Variants in EYS observed in about 807,000 individuals in gnomAD.
The protein encoded by EYS is protein eyes shut homolog.
A neutral mutation model predicts 282.1 loss-of-function variants in EYS; 250 were observed. That is an observed-to-expected ratio of 0.89 (90% CI 0.80 to 0.98). EYS has a LOEUF of 0.98. EYS is among the 50% of genes least tolerant of loss of function. The pLI is 0.00. For missense variants in EYS, 4,016 were observed against 3,709.0 expected (o/e 1.08, Z -2.15); for synonymous variants, 1,355 against 1,282.9 (o/e 1.06, Z -1.20).
In EYS at chr6:65,490,656, T is replaced by C. The variant is rs763461984; in HGVS notation, c.800A>G (p.His267Arg). 1.9e-6 allele frequency: 3 copies of C among 1,613,034 alleles called. 1 individual carries two copies. The highest frequency in any genetic ancestry group is 3.3e-5 in the Admixed American group (2 of 59,998). ...IGQCQPHVCF[H>R]GNCSNITSNS... Reference sequence around the variant, plus strand: ...TGAAGTAATATTGCTGCAGTTTCCATGGAAACAGACATGTGGTTGACACTG... The same window carrying C: ...TGAAGTAATATTGCTGCAGTTTCCACGGAAACAGACATGTGGTTGACACTG... The change falls in exon 5 of 43, where the codon CAT (histidine) becomes CGT (arginine). Residue 267 changes from histidine to arginine, a missense_variant. By Grantham distance (29) the His-to-Arg change is conservative. Transcript: ENST00000503581.
chr6:65,541,194 C>G (rs534779690), intron 2 of EYS, among the ~76,000 whole-genome samples: 1 of 152,060 alleles, frequency 6.6e-6, no homozygotes, highest in African/African-American at 2.4e-5. Flanking sequence ...CACAAATGTA[C>G]ATTAAATAGT....
chr6:65,520,331 T>TA (rs1767319790), intron 2 of EYS, among the ~76,000 whole-genome samples: 1 of 152,134 alleles, frequency 6.6e-6, no homozygotes, highest in African/African-American at 2.4e-5. Flanking sequence ...TCTAGACATT[T>TA]AGAAATGTGT....
intron 1 of EYS, among the ~76,000 whole-genome samples, chr6:65,699,612 G>A (rs1769584634): frequency 6.6e-6 from 1 of 152,102 alleles, no homozygotes; most frequent in South Asian, 2.1e-4. Context: ...CCTAAGGCAA[G>A]GAGATTTTTA....
intron 22 of EYS, among the ~76,000 whole-genome samples, chr6:64,772,425 C>T (rs148204829): frequency 2.8e-4 from 43 of 151,834 alleles, no homozygotes; most frequent in African/African-American, 9.6e-4. Flanking sequence ...TATTTTAATA[C>T]AGGCATACAA....
chr6:63,762,667 A>T (rs1402946198), intron 40 of EYS, 34 bp from the exon 41 acceptor site: 15 of 1,542,224 alleles, frequency 9.7e-6, no homozygotes, highest in Middle Eastern at 1.7e-4. Context: ...TGGTTTGAGC[A>T]CTTGTTTAGA....
intron 2 of EYS, among the ~76,000 whole-genome samples, chr6:65,634,014 G>T (rs1156314842): frequency 6.6e-6 from 1 of 152,196 alleles, no homozygotes; most frequent in East Asian, 1.9e-4. Flanking sequence ...TATTCTTTCA[G>T]AAACTACAGA....
rs141220835 is a variant in EYS, at chr6:65,448,142, C to T, written c.862+42452G>A. On this transcript the variant is annotated intron_variant, in intron 5 of 42. Coordinates refer to ENST00000503581, the MANE Select transcript of EYS (RefSeq NM_001142800.2). ...CCCTATCCACTAAATTCCAAGTACT[C>T]CCTAGTATTTGCAAAAAGCTGATAC... 7.9e-5 allele frequency among the ~76,000 whole-genome samples: 12 copies of T among 152,102 alleles called. No homozygotes were observed. The East Asian group carries it at 2.3e-3, about 29-fold the overall frequency.
intron 36 of EYS, among the ~76,000 whole-genome samples, chr6:63,811,268 C>T (rs751704874): frequency 3.3e-5 from 5 of 152,294 alleles, no homozygotes; most frequent in South Asian, 4.1e-4. Context: ...CATTCATGCT[C>T]GATTTTATTC....
intron 15 of EYS, among the ~76,000 whole-genome samples, chr6:64,924,571 A>G (rs569606569): frequency 5.3e-4 from 80 of 152,292 alleles, no homozygotes; most frequent in Non-Finnish European, 1.0e-3. Context: ...AATTTTCCAA[A>G]TTATTATGCT....
chr6:64,971,885 C>A (rs1770307299), intron 14 of EYS, among the ~76,000 whole-genome samples: 1 of 151,980 alleles, frequency 6.6e-6, no homozygotes, highest in Admixed American at 6.6e-5. Context: ...TGAAAGCCAT[C>A]AAGCATAATT....
intron 12 of EYS, among the ~76,000 whole-genome samples, chr6:65,153,183 A>G (rs1764652947): frequency 1.3e-5 from 2 of 151,858 alleles, no homozygotes; most frequent in South Asian, 2.1e-4. Flanking sequence ...ATAAGCCACC[A>G]TATGGGAAGG....
intron 14 of EYS, among the ~76,000 whole-genome samples, chr6:64,970,158 A>T (rs1172023615): frequency 6.6e-6 from 1 of 151,562 alleles, no homozygotes; most frequent in Non-Finnish European, 1.5e-5. Context: ...AAAAAAAAAA[A>T]GTTGTGAAAA....
At chr6:65,445,116 C>T (rs538290626) in intron 5 of EYS, among the ~76,000 whole-genome samples, 3 of 151,722 alleles carry the variant, frequency 2.0e-5, no homozygotes, top group Non-Finnish European at 2.9e-5. Flanking sequence ...TTTTAAACTC[C>T]TTGGATAGTT....
chr6:64,939,448 T>C (rs1769016624), intron 15 of EYS, among the ~76,000 whole-genome samples: 1 of 151,938 alleles, frequency 6.6e-6, no homozygotes, highest in Admixed American at 6.6e-5. Flanking sequence ...GAAAGACTGA[T>C]TATGTATCAT....
intron 35 of EYS, among the ~76,000 whole-genome samples, chr6:63,928,004 A>G (rs536122816): frequency 1.3e-5 from 2 of 152,334 alleles, no homozygotes; most frequent in South Asian, 4.1e-4. Context: ...GAAGAACAGT[A>G]TGGCATAATG....
chr6:65,123,758 C>CACACACACA (rs1554157087), intron 12 of EYS, among the ~76,000 whole-genome samples: 38 of 147,096 alleles, frequency 2.6e-4, no homozygotes, highest in African/African-American at 9.0e-4. Flanking sequence ...ACCCACCCAC[C>CACACACACA]CACACACACA....
chr6:64,302,256 C>T (rs1561917230), intron 30 of EYS, among the ~76,000 whole-genome samples: 1 of 152,176 alleles, frequency 6.6e-6, no homozygotes, highest in Non-Finnish European at 1.5e-5. Context: ...TCAACTTACC[C>T]AGAGACTAGC....
chr6:63,721,262 G>T lies in EYS; in HGVS notation c.8769C>A (p.His2923Gln). 1.3e-6 allele frequency: 2 copies of T among 1,551,856 alleles called. No individual in the cohort carries two copies. The highest frequency in any genetic ancestry group is 1.7e-6 in the Non-Finnish European group (2 of 1,146,962). Reference sequence around the variant, plus strand: ...ATTGGTCAGGTATACATAAAGATTGGTGGAGGCAAAGATTATTCAAACAGG... The same window carrying T: ...ATTGGTCAGGTATACATAAAGATTGTTGGAGGCAAAGATTATTCAAACAGG... ...SVSCLNNLCL[H>Q]QSLCIPDQSF... The change falls in exon 43 of 43, where the codon CAC (histidine) becomes CAA (glutamine). Residue 2923 changes from histidine to glutamine, a missense_variant. Coordinates refer to ENST00000503581, the MANE Select transcript of EYS (RefSeq NM_001142800.2).
chr6:64,307,997 AT>A, intron 29 of EYS, among the ~76,000 whole-genome samples: 1 of 152,178 alleles, frequency 6.6e-6, no homozygotes, highest in East Asian at 1.9e-4. Context: ...ATTACAGTAA[AT>A]TATCAATGAA....
Sources: allele counts gnomAD v4.1 joint callset (sites outside exome capture counted in the v4.1 genomes callset), GRCh38; gene constraint gnomAD v4.1.1; transcripts MANE v1.5; gene names NCBI Gene and HGNC (gene_info 2026-07-23, HGNC 2026-07-21).